SRFBP1: variants seen among roughly 807,000 people sequenced by gnomAD.
SRFBP1 encodes the protein serum response factor binding protein 1, also known as serum response factor-binding protein 1.
In SRFBP1, 47 loss-of-function variants were observed where a neutral mutation model predicts 45.5. The ratio of observed to expected loss-of-function variants is 1.03; its 90% confidence interval spans 0.82 to 1.32. SRFBP1 has a LOEUF of 1.32. SRFBP1 is among the 40% of genes most tolerant of loss of function. The probability of loss-of-function intolerance (pLI) is 0.00; values close to 1 mark genes in which losing one functional copy is unlikely to be tolerated. For missense variants in SRFBP1, 621 were observed against 484.6 expected, an observed-to-expected ratio of 1.28 and a Z score of -2.64; for synonymous variants, 203 against 166.3, an observed-to-expected ratio of 1.22 and a Z score of -1.70.
intron 4 of SRFBP1, among the ~76,000 whole-genome samples, chr5:121,995,663 A>G (rs1394821293): frequency 6.6e-6 from 1 of 152,204 alleles, no homozygotes. Flanking sequence ...AACTAAAATC[A>G]GAGCAGAACT....
chr5:122,035,821 G>C (rs549056490), intron 2 of SRFBP1, among the ~76,000 whole-genome samples: 1 of 152,102 alleles, frequency 6.6e-6, no homozygotes, highest in East Asian at 1.9e-4. Context: ...GCTTCCACAG[G>C]TTCTCGCTAA....
intron 2 of SRFBP1, among the ~76,000 whole-genome samples, chr5:122,068,818 GAATA>G (rs533747574): frequency 2.2e-3 from 330 of 152,010 alleles, no homozygotes; most frequent in African/African-American, 7.5e-3. Flanking sequence ...GAGTGCAAAT[GAATA>G]AATAAATGGA....
Position 122,020,594 on chromosome 5 carries a change from AT to A in SRFBP1, c.861del (p.Ile287MetfsTer24). 6.2e-7 allele frequency: 1 copy of A among 1,613,882 alleles called. No individual in the cohort carries two copies. Among genetic ancestry groups the A allele is most frequent in the South Asian group, 1.1e-5 (1 of 90,986 alleles). ...EDSDSGDDFF[I>X]GKVRRTRKKE... ...TAGTGATAGCGGTGACGACTTCTTC[AT>A]TGGGAAAGTCAGACGGACACGAAAG... On this transcript the variant is annotated frameshift_variant, in exon 6 of 8. Transcript: ENST00000339397. LOFTEE classifies it high-confidence loss of function.
chr5:122,066,043 C>T (rs1754291286), intron 2 of SRFBP1: 1 of 151,978 alleles, frequency 6.6e-6, no homozygotes, highest in South Asian at 2.1e-4. Context: ...CAGGATTGGG[C>T]AGCTCCCTTA....
chr5:122,021,639 C>T (rs1280599728), intron 6 of SRFBP1, among the ~76,000 whole-genome samples: 1 of 151,326 alleles, frequency 6.6e-6, no homozygotes, highest in East Asian at 1.9e-4. Flanking sequence ...AAATGGCACA[C>T]CACTATCCCT....
intron 4 of SRFBP1, among the ~76,000 whole-genome samples, chr5:122,001,387 T>A (rs1561587097): frequency 6.7e-6 from 1 of 149,002 alleles, no homozygotes; most frequent in Non-Finnish European, 1.5e-5. Context: ...CTTTTATTTT[T>A]ATTTTTTATT....
rs1484194076 is a variant in SRFBP1, at chr5:121,994,805, C to T, written c.270+135C>T. On this transcript the variant is annotated intron_variant, in intron 4 of 7. Transcript: ENST00000339397. ...TAGTTTTCCTAACTGAACTCCATTA[C>T]TGCCACCACAAAAAAAATTTATACT... 1.1e-5 allele frequency: 6 copies of T among 559,678 alleles called. No individual in the cohort carries two copies. The South Asian group carries it at 1.2e-4, about 11-fold the overall frequency. The allele number at this position is 559,678 out of a possible 1,614,324, so 34.7% of individuals were successfully genotyped here.
At chr5:121,977,497 A>G (rs1752327171) in intron 3 of SRFBP1, among the ~76,000 whole-genome samples, 1 of 152,136 alleles carries the variant, frequency 6.6e-6, no homozygotes, top group Non-Finnish European at 1.5e-5. Flanking sequence ...TTTCTAAACA[A>G]AGCAAATAAA....
chr5:122,074,247 A>G (rs1269031330), intron 2 of SRFBP1: 21 of 1,229,928 alleles, frequency 1.7e-5, no homozygotes, highest in Non-Finnish European at 2.4e-5. Flanking sequence ...GACTTCCCCC[A>G]TGGCTTCACA....
intron 3 of SRFBP1, among the ~76,000 whole-genome samples, chr5:121,991,818 C>A (rs1166208775): frequency 2.0e-5 from 3 of 152,032 alleles, no homozygotes; most frequent in African/African-American, 7.2e-5. Flanking sequence ...AGACAGTATT[C>A]CCTTTTAATG....
At chr5:122,013,474 TA>T (rs1430695803) in intron 4 of SRFBP1, among the ~76,000 whole-genome samples, 1 of 152,116 alleles carries the variant, frequency 6.6e-6, no homozygotes, top group African/African-American at 2.4e-5. Context: ...ATGAAAATTT[TA>T]AATTTCTCAC....
intron 3 of SRFBP1, 145 bp from the exon 4 acceptor site, chr5:121,994,454 C>G (rs1209304134): frequency 8.2e-6 from 5 of 606,864 alleles, no homozygotes; most frequent in Non-Finnish European, 1.5e-5. Context: ...TTCCTTTCAA[C>G]TCTGTCATAT....
chr5:121,975,427 A>G, intron 3 of SRFBP1, 40 bp downstream of exon 3: 1 of 1,604,640 alleles, frequency 6.2e-7, no homozygotes, highest in Admixed American at 1.7e-5. Context: ...TATGTTTCTG[A>G]GTATCCTGTT....
rs765375214 is a variant in SRFBP1 at position 122,027,132 on chromosome 5, G to C, written c.*6G>C. On this transcript the variant is annotated 3_prime_UTR_variant, in exon 8 of 8. Coordinates refer to ENST00000339397, the MANE Select transcript of SRFBP1 (RefSeq NM_152546.3). Reference sequence around the variant, plus strand: ...AAATTACGTTTGATGATTGATTAGTGCCTCTTTCTGCAAACTTTTCCATCT... The same window carrying C: ...AAATTACGTTTGATGATTGATTAGTCCCTCTTTCTGCAAACTTTTCCATCT... 10 of 1,579,792 alleles carry C rather than the reference G, an allele frequency of 6.3e-6. No individual in the cohort carries two copies. Among genetic ancestry groups the C allele is most frequent in the Admixed American group, 1.9e-5 (1 of 51,902 alleles).
At chr5:121,997,029 G>A (rs1273903989) in intron 4 of SRFBP1, among the ~76,000 whole-genome samples, 1 of 104,652 alleles carries the variant, frequency 9.6e-6, no homozygotes, top group African/African-American at 4.2e-5. Context: ...ACAAACAAAT[G>A]GAAGAACATT....
rs371785327 is a variant in SRFBP1 at position 121,972,024 on chromosome 5, A to G, written c.37-2172A>G. Among the ~76,000 whole-genome samples the G allele has an allele frequency of 1.1e-3, 169 of 152,040 alleles. 1 individual carries two copies. Among genetic ancestry groups the G allele is most frequent in the African/African-American group, 3.9e-3 (164 of 41,530 alleles). ...AGCTTAGTTCTCCACACAACTGAAG[A>G]GGGAGTGGTCCTAGTGAACCATGTA... On this transcript the variant is annotated intron_variant, in intron 1 of 7. Transcript: ENST00000339397.
At chr5:122,058,529 AGTGTGTGTGT>A (rs147926229) in intron 2 of SRFBP1, among the ~76,000 whole-genome samples, 5,379 of 142,298 alleles carry the variant, frequency 0.038, 289 homozygotes, top group African/African-American at 0.12. Flanking sequence ...ACAATGAGAT[AGTGTGTGTGT>A]GTGTGTGTGT....
chr5:121,962,131 G>T (rs1479238239), intron 1 of SRFBP1, 63 bp downstream of exon 1: 1 of 1,600,014 alleles, frequency 6.2e-7, no homozygotes, highest in Non-Finnish European at 8.5e-7. Flanking sequence ...CTTTTGAGAC[G>T]CGTGGTCGGA....
At chr5:121,983,754 C>G (rs1006988606) in intron 3 of SRFBP1, among the ~76,000 whole-genome samples, 4 of 151,698 alleles carry the variant, frequency 2.6e-5, no homozygotes, top group Non-Finnish European at 4.4e-5. Context: ...CAGCTTGGAA[C>G]TAAAGTGAGA....
Sources: allele counts gnomAD v4.1 joint callset (sites outside exome capture counted in the v4.1 genomes callset), GRCh38; gene constraint gnomAD v4.1.1; transcripts MANE v1.5; gene names NCBI Gene and HGNC (gene_info 2026-07-23, HGNC 2026-07-21).